EYS: variants seen among roughly 807,000 people sequenced by gnomAD.
The protein encoded by EYS is EGF-like photoreceptor maintenance factor.
Under a neutral mutation model 282.1 loss-of-function variants are expected in EYS, and 250 were observed. The observed-to-expected ratio is 0.89, with a 90% CI of 0.80 to 0.98. The LOEUF is 0.98. EYS is among the 50% of genes least tolerant of loss of function. EYS has a pLI of 0.00. For missense variants in EYS, 4,016 were observed against 3,709.0 expected (o/e 1.08, Z -2.15); for synonymous variants, 1,355 against 1,282.9 (o/e 1.06, Z -1.20).
At chr6:63,823,793 CATTT>C (rs1350085535) in intron 36 of EYS, among the ~76,000 whole-genome samples, 1 of 151,720 alleles carries the variant, frequency 6.6e-6, no homozygotes, top group Admixed American at 6.6e-5. Context: ...TTTTCTATTT[CATTT>C]GTTTCAGCTA....
At chr6:65,197,365 A>G (rs1765795648) in intron 12 of EYS, among the ~76,000 whole-genome samples, 1 of 152,078 alleles carries the variant, frequency 6.6e-6, no homozygotes, top group African/African-American at 2.4e-5. Context: ...CTGAGACCAG[A>G]GTAACTAAAA....
rs1398357735 is a variant in EYS at position 65,008,136 on chromosome 6, C to T, written c.2138-10433G>A. 2.6e-5 allele frequency among the ~76,000 whole-genome samples: 4 copies of T among 152,100 alleles called. No homozygotes were observed. In the East Asian group the frequency reaches 7.7e-4, roughly 29 times the overall value. ...GGTGCCACAAACATTTGCTAACTTGCGTGCTAGAAGGACTAAGGAAAACTA... is the reference window on the plus strand; with the variant it reads ...GGTGCCACAAACATTTGCTAACTTGTGTGCTAGAAGGACTAAGGAAAACTA... On this transcript the variant is annotated intron_variant, in intron 13 of 42. Transcript: ENST00000503581.
At chr6:64,168,526 T>G (rs1764374344) in intron 31 of EYS, among the ~76,000 whole-genome samples, 1 of 152,154 alleles carries the variant, frequency 6.6e-6, no homozygotes, top group Non-Finnish European at 1.5e-5. Flanking sequence ...TTAGAAATAA[T>G]TCAAAGGTCC....
chr6:64,786,507 G>C (rs896243451), intron 22 of EYS, among the ~76,000 whole-genome samples: 1 of 152,074 alleles, frequency 6.6e-6, no homozygotes, highest in African/African-American at 2.4e-5. Flanking sequence ...TACACACATG[G>C]GGATATGCGG....
chr6:65,072,696 T>G (rs1773934605), intron 12 of EYS, among the ~76,000 whole-genome samples: 1 of 151,638 alleles, frequency 6.6e-6, no homozygotes, highest in African/African-American at 2.4e-5. Context: ...GAATACTCAG[T>G]AATGAGGTCA....
At chr6:64,748,962 G>T (rs1318041936) in intron 22 of EYS, among the ~76,000 whole-genome samples, 1 of 152,002 alleles carries the variant, frequency 6.6e-6, no homozygotes, top group African/African-American at 2.4e-5. Context: ...TAGTAGAAAC[G>T]GGGTTTCACC....
chr6:64,343,256 T>A, intron 29 of EYS, among the ~76,000 whole-genome samples: 1 of 151,778 alleles, frequency 6.6e-6, no homozygotes, highest in Non-Finnish European at 1.5e-5. Flanking sequence ...AATATACATT[T>A]TTTTTCAGCA....
chr6:65,622,384 G>A (rs965166540), intron 2 of EYS, among the ~76,000 whole-genome samples: 1 of 152,088 alleles, frequency 6.6e-6, no homozygotes, highest in Non-Finnish European at 1.5e-5. Context: ...CTGATTTAGA[G>A]ATTTCAAAAT....
At chr6:65,289,295 A>G (rs1199544751) in intron 12 of EYS, among the ~76,000 whole-genome samples, 1 of 150,932 alleles carries the variant, frequency 6.6e-6, no homozygotes, top group African/African-American at 2.4e-5. Flanking sequence ...TGGCATGAGG[A>G]CCTCTAACTC....
intron 1 of EYS, among the ~76,000 whole-genome samples, chr6:65,683,975 G>T (rs766247971): frequency 2.6e-5 from 4 of 151,972 alleles, no homozygotes; most frequent in African/African-American, 4.8e-5. Flanking sequence ...TAGGCAAAGG[G>T]TATCATCACT....
At chr6:65,375,500 C>G (rs576813558) in intron 8 of EYS, among the ~76,000 whole-genome samples, 1 of 152,018 alleles carries the variant, frequency 6.6e-6, no homozygotes, top group Non-Finnish European at 1.5e-5. Flanking sequence ...GATCACGACT[C>G]CTCTCCAGCA....
In EYS at chr6:65,564,980, T is replaced by A. The variant is rs1769219501; in HGVS notation, c.-332-68987A>T. ...TGGGTGAACGGCCGGGCGCGGTGGC[T>A]CACGCCTGTAATCCCAGCACTTTGG... On this transcript the variant is annotated intron_variant, in intron 2 of 42. Coordinates refer to ENST00000503581, the MANE Select transcript of EYS (RefSeq NM_001142800.2). 3.3e-5 allele frequency among the ~76,000 whole-genome samples: 2 copies of A among 60,842 alleles called. 1 individual carries two copies. The allele number at this position is 60,842 out of a possible 152,430, so 39.9% of individuals were successfully genotyped here. A position where few individuals can be genotyped will look rare whatever the true frequency, so the allele number is the denominator to read the frequency against.
At chr6:65,394,285 A>C (rs1766179244) in intron 7 of EYS, among the ~76,000 whole-genome samples, 1 of 151,928 alleles carries the variant, frequency 6.6e-6, no homozygotes, top group Admixed American at 6.6e-5. Context: ...GTTCATGATA[A>C]TCTTCAAAGC....
In EYS at chr6:64,245,677, T is replaced by C. The variant is rs1766988093; in HGVS notation, c.6192-14853A>G. Among the ~76,000 whole-genome samples the C allele has an allele frequency of 1.3e-5, 2 of 152,176 alleles. 1 individual carries two copies. Among genetic ancestry groups the C allele is most frequent in the South Asian group, 4.1e-4 (2 of 4,838 alleles). On this transcript the variant is annotated intron_variant, in intron 30 of 42. Transcript: ENST00000503581. ...GCTTTTTATTTCTCTTCAAATGCTT[T>C]ATCATTTTTCACTGTAGCCTCATAT...
intron 12 of EYS, among the ~76,000 whole-genome samples, chr6:65,061,171 A>G (rs907372227): frequency 3.1e-4 from 47 of 152,082 alleles, no homozygotes; most frequent in Middle Eastern, 3.4e-3. Flanking sequence ...ATAATTTTAG[A>G]GCTTTTATTG....
chr6:65,578,987 C>G (rs577580008), intron 2 of EYS, among the ~76,000 whole-genome samples: 1 of 152,146 alleles, frequency 6.6e-6, no homozygotes, highest in East Asian at 1.9e-4. Context: ...AAATTATTTT[C>G]CAAAGCTGTG....
At chr6:64,581,687 T>C (rs1212357762) in intron 26 of EYS, among the ~76,000 whole-genome samples, 2 of 152,166 alleles carry the variant, frequency 1.3e-5, no homozygotes, top group Admixed American at 6.5e-5. Flanking sequence ...AGCCAGTGGC[T>C]TGTATAATGC....
intron 22 of EYS, among the ~76,000 whole-genome samples, chr6:64,743,105 A>G (rs927339886): frequency 2.0e-5 from 3 of 152,146 alleles, no homozygotes; most frequent in Non-Finnish European, 4.4e-5. Flanking sequence ...ATGAGATGGA[A>G]ACCGAGGTGA....
intron 31 of EYS, among the ~76,000 whole-genome samples, chr6:64,146,967 T>C (rs1031622013): frequency 6.6e-6 from 1 of 152,178 alleles, no homozygotes; most frequent in Non-Finnish European, 1.5e-5. Flanking sequence ...TGAGATTGCA[T>C]GGAACATAGG....
Sources: gnomAD v4.1 joint callset for allele counts (sites outside exome capture counted in the v4.1 genomes callset) on GRCh38, gnomAD v4.1.1 for gene constraint, MANE v1.5 for transcripts, NCBI Gene and HGNC (gene_info 2026-07-23, HGNC 2026-07-21) for gene names.